Variants in NCKAP5 observed in about 807,000 individuals in gnomAD.
NCKAP5 encodes the protein NCK associated protein 5, also known as nck-associated protein 5.
In NCKAP5, 92 loss-of-function variants were observed where a neutral mutation model predicts 167.0. That is an observed-to-expected ratio of 0.55 (90% CI 0.47 to 0.66). NCKAP5 has a LOEUF of 0.66. Among genes scored for constraint, NCKAP5 ranks in the 30% least tolerant of loss-of-function variants. NCKAP5 has a pLI of 0.00. For synonymous variants in NCKAP5, 891 were observed against 877.4 expected (o/e 1.02, Z -0.27); for missense variants, 2,378 against 2,315.0 (o/e 1.03, Z -0.56).
intron 4 of NCKAP5, among the ~76,000 whole-genome samples, chr2:133,256,917 T>C (rs547321574): frequency 6.6e-6 from 1 of 152,266 alleles, no homozygotes; most frequent in Non-Finnish European, 1.5e-5. Context: ...TGACAATAGT[T>C]AGATAATGAG....
At chr2:132,688,845 G>C (rs1415411840) in intron 19 of NCKAP5, among the ~76,000 whole-genome samples, 12 of 151,912 alleles carry the variant, frequency 7.9e-5, no homozygotes. Context: ...AATTAGCTGA[G>C]TGTGGTGGCA....
Position 133,078,005 on chromosome 2 carries a change from T to C in NCKAP5, c.341+51973A>G, listed in dbSNP as rs556381989. 5.9e-5 allele frequency among the ~76,000 whole-genome samples: 9 copies of C among 152,260 alleles called. No individual in the cohort carries two copies. In the East Asian group the frequency reaches 1.7e-3, roughly 29 times the overall value. On this transcript the variant is annotated intron_variant, in intron 6 of 19. Transcript: ENST00000409261. ...GAAAAAAGAAGACTGAAAAGTGAGG[T>C]TAAGAGACCAACATGCTGGTCCCAG...
chr2:132,725,710 C>T lies in NCKAP5; in HGVS notation c.5630G>A (p.Ser1877Asn). The T allele has an allele frequency of 1.2e-6, 2 of 1,613,652 alleles. No individual in the cohort carries two copies. Among genetic ancestry groups the T allele is most frequent in the Non-Finnish European group, 1.7e-6 (2 of 1,179,794 alleles). Residue 1877 changes from serine to asparagine, a missense_variant, in exon 19 of 20, where the codon AGT (serine) becomes AAT (asparagine). Ser to Asn is a conservative substitution (Grantham distance 46). Transcript: ENST00000409261. ...ATCTCCATAGTCCAGGTCACTGTCA[C>T]TATTACTGCCACCGCTGGCAGAGTA... ...CTYSASGGSN[S>N]DSDLDYGDNG...
At chr2:133,571,711 G>C (rs114301815), upstream of NCKAP5, among the ~76,000 whole-genome samples, 575 of 152,244 alleles carry the variant, frequency 3.8e-3, 3 homozygotes, top group African/African-American at 0.013. Flanking sequence ...AGGTCTCTTA[G>C]AGCTGCTTAC....
chr2:132,823,535 T>C lies in NCKAP5; in HGVS notation c.808-26806A>G, dbSNP rs537759768. On this transcript the variant is annotated intron_variant, in intron 11 of 19. Transcript: ENST00000409261. ...TCATCACAACTCAGTCAGCACTATA[T>C]AAAATGCTAAAAGGAGTTTAAAATC... Among the ~76,000 whole-genome samples the C allele has an allele frequency of 1.4e-3, 211 of 151,968 alleles. 1 individual carries two copies. The highest frequency in any genetic ancestry group is 4.8e-3 in the African/African-American group (200 of 41,434).
At chr2:133,002,195 T>C (rs2077807456) in intron 6 of NCKAP5, among the ~76,000 whole-genome samples, 1 of 152,182 alleles carries the variant, frequency 6.6e-6, no homozygotes, top group African/African-American at 2.4e-5. Flanking sequence ...TGCACAGTGA[T>C]ACAGTAGTCT....
chr2:132,773,891 T>C lies in NCKAP5; in HGVS notation c.5053A>G (p.Lys1685Glu), dbSNP rs189199346. 4 of 1,609,316 alleles carry C rather than the reference T, an allele frequency of 2.5e-6. No homozygotes were observed. The Admixed American group carries it at 6.8e-5, about 27-fold the overall frequency. ...DMEVPKDSLV[K>E]EANENLQEDE... ...TCTTGCAAGTTTTCATTTGCCTCTTTTACCTGCAGGAAGAAGAAAATGATG... is the reference window on the plus strand; with the variant it reads ...TCTTGCAAGTTTTCATTTGCCTCTTCTACCTGCAGGAAGAAGAAAATGATG... The change falls in exon 16 of 20, where the codon AAA becomes GAA. Residue 1685 changes from lysine to glutamate, a missense_variant. Physicochemically the swap from Lys to Glu is moderately conservative, Grantham distance 56. Coordinates refer to ENST00000409261, the MANE Select transcript of NCKAP5 (RefSeq NM_207363.3).
At chr2:133,112,952 G>A (rs2081963460) in intron 6 of NCKAP5, among the ~76,000 whole-genome samples, 1 of 152,182 alleles carries the variant, frequency 6.6e-6, no homozygotes, top group Non-Finnish European at 1.5e-5. Context: ...AAATGGATAC[G>A]ATGAAACGTG....
intron 3 of NCKAP5, among the ~76,000 whole-genome samples, chr2:133,508,580 T>C (rs575070844): frequency 6.6e-6 from 1 of 152,334 alleles, no homozygotes; most frequent in South Asian, 2.1e-4. Context: ...AAGAGCAGGC[T>C]CTTATCAGAG....
intron 19 of NCKAP5, among the ~76,000 whole-genome samples, chr2:132,687,948 ATGTGATTAGCG>A (rs1686184140): frequency 6.6e-6 from 1 of 152,192 alleles, no homozygotes; most frequent in Non-Finnish European, 1.5e-5. Context: ...TGTGGTCTGA[ATGTGATTAGCG>A]ATTAGCGCTG....
At chr2:132,679,590 A>C (rs1345412497) in intron 19 of NCKAP5, among the ~76,000 whole-genome samples, 2 of 152,160 alleles carry the variant, frequency 1.3e-5, no homozygotes, top group Non-Finnish European at 2.9e-5. Flanking sequence ...GTTAGTTTGC[A>C]CAGAGAAGTG....
At chr2:133,435,628 A>G (rs1690426095) in intron 3 of NCKAP5, among the ~76,000 whole-genome samples, 1 of 152,174 alleles carries the variant, frequency 6.6e-6, no homozygotes, top group South Asian at 2.1e-4. Context: ...CAAATACAGC[A>G]AAGTTAGAGA....
At chr2:132,849,255 A>G (rs1187696340) in intron 11 of NCKAP5, among the ~76,000 whole-genome samples, 1 of 151,658 alleles carries the variant, frequency 6.6e-6, no homozygotes, top group African/African-American at 2.4e-5. Context: ...CTCTTTTTGA[A>G]AGTTAACCAC....
chr2:132,709,592 A>T (rs971551381), intron 19 of NCKAP5, among the ~76,000 whole-genome samples: 2 of 152,126 alleles, frequency 1.3e-5, no homozygotes, highest in Non-Finnish European at 2.9e-5. Context: ...GACAAAAGGG[A>T]TATATTCCCA....
chr2:132,855,028 G>A (rs186110455), intron 11 of NCKAP5, among the ~76,000 whole-genome samples: 1 of 152,114 alleles, frequency 6.6e-6, no homozygotes, highest in Admixed American at 6.5e-5. Flanking sequence ...TATGAAGAGG[G>A]AAAAATCACA....
intron 3 of NCKAP5, among the ~76,000 whole-genome samples, chr2:133,477,736 T>C (rs1680057352): frequency 6.6e-6 from 1 of 152,174 alleles, no homozygotes; most frequent in African/African-American, 2.4e-5. Context: ...ATCATTTTTT[T>C]CTTCTTGTGA....
chr2:132,919,064 A>G (rs1695106812), intron 8 of NCKAP5, among the ~76,000 whole-genome samples: 1 of 152,222 alleles, frequency 6.6e-6, no homozygotes, highest in Admixed American at 6.5e-5. Context: ...CCATAGTCAA[A>G]GGGAGAAACA....
intron 16 of NCKAP5, among the ~76,000 whole-genome samples, chr2:132,765,817 C>T (rs1002517744): frequency 6.6e-6 from 1 of 152,080 alleles, no homozygotes; most frequent in African/African-American, 2.4e-5. Context: ...CCTATGTGAC[C>T]AAGCACTGGC....
the NCKAP5 span, among the ~76,000 whole-genome samples, chr2:133,640,498 C>A: frequency 2.3e-3 from 352 of 152,254 alleles, 2 homozygotes; most frequent in East Asian, 8.3e-3. Context: ...GGGAGGTGAA[C>A]TATAACAGTC....
Sources: gnomAD v4.1 joint callset for allele counts (sites outside exome capture counted in the v4.1 genomes callset) on GRCh38, gnomAD v4.1.1 for gene constraint, MANE v1.5 for transcripts, NCBI Gene and HGNC (gene_info 2026-07-23, HGNC 2026-07-21) for gene names.